VRK2: variants seen among roughly 807,000 people sequenced by gnomAD.
The protein encoded by VRK2 is VRK serine/threonine kinase 2, also known as serine/threonine-protein kinase VRK2.
Under a neutral mutation model 57.6 loss-of-function variants are expected in VRK2, and 60 were observed. The observed-to-expected ratio is 1.04, with a 90% confidence interval of 0.85 to 1.29. The LOEUF (loss-of-function observed/expected upper bound fraction) is 1.29, where lower values mean the gene tolerates loss of function less well. VRK2 is among the 50% of genes most tolerant of loss of function. VRK2 has a pLI of 0.00. For synonymous variants in VRK2, 231 were observed against 199.2 expected (o/e 1.16, Z -1.35); for missense variants, 705 against 588.1 (o/e 1.20, Z -2.06).
intron 1 of VRK2, among the ~76,000 whole-genome samples, chr2:57,948,234 G>C (rs1671320280): frequency 1.3e-5 from 2 of 152,158 alleles, no homozygotes; most frequent in South Asian, 4.1e-4. Context: ...TAAAGATCCA[G>C]CATTAGGAAA....
intron 1 of VRK2, among the ~76,000 whole-genome samples, chr2:57,908,422 CTG>C (rs1669890944): frequency 6.6e-6 from 1 of 152,004 alleles, no homozygotes; most frequent in Non-Finnish European, 1.5e-5. Flanking sequence ...ACAATTTTGT[CTG>C]TGTCTCTCTA....
chr2:58,113,863 C>T (rs557011526), intron 7 of VRK2, among the ~76,000 whole-genome samples: 49 of 152,228 alleles, frequency 3.2e-4, no homozygotes, highest in African/African-American at 1.1e-3. Context: ...GCCTGACATT[C>T]CTGCTTCCTT....
chr2:58,096,907 G>A (rs1427338549), intron 7 of VRK2, among the ~76,000 whole-genome samples: 1 of 151,618 alleles, frequency 6.6e-6, no homozygotes, highest in East Asian at 1.9e-4. Flanking sequence ...TGGAAAGTTT[G>A]TATTTTTCTT....
In VRK2 at chr2:58,092,766, A is replaced by G. The variant is rs563742577; in HGVS notation, c.543+3043A>G. On this transcript the variant is annotated intron_variant, in intron 7 of 12. Coordinates refer to ENST00000340157, the MANE Select transcript of VRK2 (RefSeq NM_006296.7). ...GCCATGTTGGTGTGCTGCGCCCATG[A>G]ACTTGTCATTTATATTAGGTATATC... 3.9e-5 allele frequency among the ~76,000 whole-genome samples: 6 copies of G among 152,156 alleles called. No individual in the cohort carries two copies. The East Asian group carries it at 1.2e-3, about 29-fold the overall frequency.
intron 1 of VRK2, among the ~76,000 whole-genome samples, chr2:57,939,647 G>T (rs1283433294): frequency 1.3e-5 from 2 of 152,090 alleles, no homozygotes; most frequent in African/African-American, 4.8e-5. Context: ...TACTTTGATT[G>T]AGAAAGTATA....
chr2:58,144,551 C>T (rs1681831276), intron 11 of VRK2, among the ~76,000 whole-genome samples: 1 of 151,946 alleles, frequency 6.6e-6, no homozygotes, highest in Admixed American at 6.6e-5. Context: ...GGGCAAATCT[C>T]ACCCTTTATA....
At chr2:57,975,305 C>A (rs1672215613) in intron 1 of VRK2, among the ~76,000 whole-genome samples, 1 of 151,950 alleles carries the variant, frequency 6.6e-6, no homozygotes, top group African/African-American at 2.4e-5. Context: ...TAAACAAAAT[C>A]AGACTGACAG....
At chr2:57,944,184 T>G (rs916105530) in intron 1 of VRK2, among the ~76,000 whole-genome samples, 3 of 152,214 alleles carry the variant, frequency 2.0e-5, no homozygotes, top group African/African-American at 7.2e-5. Context: ...ATGACATCCA[T>G]CTTTTGGAGG....
rs1030600904 is a variant in VRK2 at position 58,086,198 on chromosome 2, G to A, written c.257-141G>A. 9 of 639,450 alleles carry A rather than the reference G, an allele frequency of 1.4e-5. No homozygotes were observed. The African/African-American group carries it at 1.5e-4, about 11-fold the overall frequency. 39.6% of individuals were successfully genotyped at this position (639,450 alleles called of 1,614,324 possible). A position where few individuals can be genotyped will look rare whatever the true frequency, so the allele number is the denominator to read the frequency against. On this transcript the variant is annotated intron_variant, in intron 4 of 12. Transcript: ENST00000340157. The stretch of plus-strand genomic sequence containing the variant: ...GGTAACAGTTTGAGGCCATTAGATA[G>A]AGATGTTTGATTGAAAAAAAATTAT...
chr2:58,076,759 G>A (rs891145987), intron 2 of VRK2, among the ~76,000 whole-genome samples: 1 of 151,044 alleles, frequency 6.6e-6, no homozygotes. Flanking sequence ...TCCAGTACTC[G>A]CACAATTTTG....
chr2:58,100,129 G>T (rs1199082162), intron 7 of VRK2, among the ~76,000 whole-genome samples: 4 of 151,914 alleles, frequency 2.6e-5, no homozygotes, highest in Non-Finnish European at 5.9e-5. Context: ...ATAGGGCAGG[G>T]TCATAAGCCT....
intron 1 of VRK2, among the ~76,000 whole-genome samples, chr2:57,970,522 C>A (rs935032374): frequency 6.6e-6 from 1 of 150,500 alleles, no homozygotes; most frequent in Non-Finnish European, 1.5e-5. Context: ...AAACAAAAAT[C>A]TAGCATAGAG....
intron 2 of VRK2, among the ~76,000 whole-genome samples, chr2:58,049,351 G>C (rs1675363098): frequency 6.6e-6 from 1 of 152,100 alleles, no homozygotes; most frequent in African/African-American, 2.4e-5. Context: ...GGCAATACAA[G>C]AGTCTAGTCA....
chr2:58,000,577 T>C (rs1572762355), intron 1 of VRK2, among the ~76,000 whole-genome samples: 2 of 152,328 alleles, frequency 1.3e-5, no homozygotes, highest in Non-Finnish European at 2.9e-5. Context: ...ACTATTTATT[T>C]ATTCATTTAT....
intron 6 of VRK2, among the ~76,000 whole-genome samples, chr2:58,088,949 A>G (rs1414789192): frequency 6.6e-6 from 1 of 152,198 alleles, no homozygotes; most frequent in African/African-American, 2.4e-5. Flanking sequence ...TGTTTATACT[A>G]CATATTTGTC....
intron 1 of VRK2, among the ~76,000 whole-genome samples, chr2:57,939,978 T>A (rs1220818791): frequency 1.3e-5 from 2 of 152,202 alleles, no homozygotes; most frequent in Admixed American, 1.3e-4. Flanking sequence ...TGTACCTTTT[T>A]TAATATTTAA....
At position 57,908,079 on chromosome 2, in the gene VRK2, G is replaced by T. The variant is rs938090184; in HGVS notation, c.-439+240G>T. On this transcript the variant is annotated intron_variant, in intron 1 of 15. Transcript: ENST00000417641. Reference sequence around the variant, plus strand: ...AAGGATTCACAAGAGGGGATCAAGAGATTTTCAAGGAACTTCTGGAAGGCA... The same window carrying T: ...AAGGATTCACAAGAGGGGATCAAGATATTTTCAAGGAACTTCTGGAAGGCA... Among the ~76,000 whole-genome samples, 7 of 152,292 alleles carry T rather than the reference G, an allele frequency of 4.6e-5. No homozygotes were observed. In the East Asian group the frequency reaches 1.2e-3, roughly 25 times the overall value.
chr2:58,147,526 C>T (rs1293195675), intron 12 of VRK2, among the ~76,000 whole-genome samples: 3 of 151,780 alleles, frequency 2.0e-5, no homozygotes. Context: ...TTAAGTCCAC[C>T]AAAATCACCT....
chr2:58,006,834 C>G lies in VRK2; in HGVS notation c.-438-18831C>G, dbSNP rs549171238. 9.9e-5 allele frequency among the ~76,000 whole-genome samples: 15 copies of G among 152,136 alleles called. No homozygotes were observed. In the South Asian group the frequency reaches 2.5e-3, roughly 25 times the overall value. Reference sequence around the variant, plus strand: ...TAAATTCTTACTTGACCTTTACGGACAGAAAAGTTCTAGGTCAAGTGAACA... The same window carrying G: ...TAAATTCTTACTTGACCTTTACGGAGAGAAAAGTTCTAGGTCAAGTGAACA... On this transcript the variant is annotated intron_variant, in intron 1 of 15. Coordinates refer to the VRK2 transcript ENST00000417641.
Sources: gnomAD v4.1 joint callset for allele counts (sites outside exome capture counted in the v4.1 genomes callset) on GRCh38, gnomAD v4.1.1 for gene constraint, MANE v1.5 for transcripts, NCBI Gene and HGNC (gene_info 2026-07-23, HGNC 2026-07-21) for gene names.